NKAIN2: variants seen among roughly 807,000 people sequenced by gnomAD.
NKAIN2 encodes the protein sodium/potassium transporting ATPase interacting 2.
NKAIN2 carries 14 observed loss-of-function variants against 32.6 expected under a neutral mutation model. That is an observed-to-expected ratio of 0.43 (90% confidence interval 0.28 to 0.67). The LOEUF is 0.67. Ranked by LOEUF, NKAIN2 falls within the 30% of genes least tolerant of loss-of-function variation. The pLI is 0.17. For missense variants in NKAIN2, 198 were observed against 258.3 expected (o/e 0.77, Z 1.60); for synonymous variants, 80 against 87.2 (o/e 0.92, Z 0.46).
At chr6:124,121,995 T>C in intron 1 of NKAIN2, 1 of 540,690 alleles carries the variant, frequency 1.8e-6, no homozygotes, top group Non-Finnish European at 2.9e-6. Context: ...TAATATATAT[T>C]TGAAGAACTC....
chr6:124,476,112 A>G (rs950506709), intron 3 of NKAIN2, among the ~76,000 whole-genome samples: 6 of 143,118 alleles, frequency 4.2e-5, no homozygotes, highest in South Asian at 2.2e-4. Flanking sequence ...GCGCGCGCGC[A>G]TGCATGTAAA....
At chr6:124,662,797 G>A (rs541013316) in intron 4 of NKAIN2, among the ~76,000 whole-genome samples, 2 of 152,270 alleles carry the variant, frequency 1.3e-5, no homozygotes, top group South Asian at 4.1e-4. Context: ...TGGCCTTATT[G>A]TGCATGTTGC....
At chr6:123,843,728 C>T (rs541289957) in intron 1 of NKAIN2, among the ~76,000 whole-genome samples, 22 of 152,122 alleles carry the variant, frequency 1.4e-4, no homozygotes, top group Non-Finnish European at 2.1e-4. Flanking sequence ...AGGATCAGAG[C>T]TACAGAAAGA....
intron 4 of NKAIN2, among the ~76,000 whole-genome samples, chr6:124,726,126 G>C (rs2114645729): frequency 6.6e-6 from 1 of 152,308 alleles, no homozygotes; most frequent in Middle Eastern, 3.4e-3. Flanking sequence ...CAGCGAGCCT[G>C]GGGGAGGGGC....
At position 123,878,478 on chromosome 6, in the gene NKAIN2, T is replaced by G. The variant is rs570451698; in HGVS notation, c.54+74224T>G. ...TTTTGTCCGGACTTCTATTTTTATTTTTATTGCCATTGATTTCTTCAGGCT... is the reference window on the plus strand; with the variant it reads ...TTTTGTCCGGACTTCTATTTTTATTGTTATTGCCATTGATTTCTTCAGGCT... On this transcript the variant is annotated intron_variant, in intron 1 of 6. Coordinates refer to ENST00000368417, the MANE Select transcript of NKAIN2 (RefSeq NM_001040214.3). Among the ~76,000 whole-genome samples, 3 of 152,246 alleles carry G rather than the reference T, an allele frequency of 2.0e-5. No homozygotes were observed. The South Asian group carries it at 6.2e-4, about 32-fold the overall frequency.
chr6:124,047,927 G>A (rs1257499860), intron 1 of NKAIN2, among the ~76,000 whole-genome samples: 1 of 151,932 alleles, frequency 6.6e-6, no homozygotes, highest in Non-Finnish European at 1.5e-5. Context: ...AGGGTCCCAG[G>A]CCTATGAATC....
chr6:124,052,329 C>T (rs1782447838), intron 1 of NKAIN2, among the ~76,000 whole-genome samples: 2 of 152,158 alleles, frequency 1.3e-5, no homozygotes, highest in Non-Finnish European at 2.9e-5. Flanking sequence ...GTAGCTCCCC[C>T]TTGGGTAAGC....
intron 1 of NKAIN2, among the ~76,000 whole-genome samples, chr6:124,073,455 A>T (rs551232758): frequency 1.2e-3 from 183 of 152,248 alleles, no homozygotes; most frequent in African/African-American, 4.3e-3. Context: ...TAATGCACCT[A>T]ATTAGTGCTA....
chr6:124,644,006 A>G (rs183068464), intron 3 of NKAIN2, among the ~76,000 whole-genome samples: 20 of 152,260 alleles, frequency 1.3e-4, no homozygotes, highest in Admixed American at 1.3e-3. Context: ...TTTCTCATTT[A>G]CTTATCAATT....
chr6:124,670,369 AAG>A (rs2114471797), intron 4 of NKAIN2, among the ~76,000 whole-genome samples: 1 of 152,196 alleles, frequency 6.6e-6, no homozygotes, highest in South Asian at 2.1e-4. Flanking sequence ...TGGAATTTTC[AAG>A]AGTGTTTTTA....
intron 2 of NKAIN2, among the ~76,000 whole-genome samples, chr6:124,306,901 C>G (rs577793436): frequency 2.1e-4 from 32 of 152,202 alleles, no homozygotes; most frequent in African/African-American, 7.7e-4. Flanking sequence ...CCAATATTTG[C>G]TAACCTTTCA....
At chr6:124,103,845 T>C (rs1332584511) in intron 1 of NKAIN2, among the ~76,000 whole-genome samples, 1 of 152,132 alleles carries the variant, frequency 6.6e-6, no homozygotes, top group Non-Finnish European at 1.5e-5. Flanking sequence ...CCCAGCACTT[T>C]GAGAGGCCGA....
chr6:124,159,645 C>T (rs1031861073), intron 1 of NKAIN2, among the ~76,000 whole-genome samples: 1 of 152,004 alleles, frequency 6.6e-6, no homozygotes, highest in Non-Finnish European at 1.5e-5. Flanking sequence ...ACAAAGAAAA[C>T]TAAATTATAT....
intron 4 of NKAIN2, among the ~76,000 whole-genome samples, chr6:124,755,879 A>C (rs1210527292): frequency 6.6e-6 from 1 of 152,134 alleles, no homozygotes; most frequent in Non-Finnish European, 1.5e-5. Flanking sequence ...TAGTTTAAAA[A>C]ATTTTTTAAA....
At chr6:124,238,115 C>T (rs1033971296) in intron 1 of NKAIN2, among the ~76,000 whole-genome samples, 5 of 152,004 alleles carry the variant, frequency 3.3e-5, no homozygotes, top group African/African-American at 1.2e-4. Context: ...GGGAGTTCAG[C>T]ACCACCTCAT....
chr6:124,399,534 TGTGGCCTACAGATGACAG>T (rs1019971816), intron 3 of NKAIN2, among the ~76,000 whole-genome samples: 1 of 152,188 alleles, frequency 6.6e-6, no homozygotes, highest in African/African-American at 2.4e-5. Flanking sequence ...AAAACTCCCA[TGTGGCCTACAGATGACAG>T]GTGTTCAGGG....
intron 3 of NKAIN2, among the ~76,000 whole-genome samples, chr6:124,626,848 G>A (rs1783370758): frequency 6.6e-6 from 1 of 152,148 alleles, no homozygotes; most frequent in African/African-American, 2.4e-5. Flanking sequence ...ATTCAAAGTT[G>A]AGTCAGGCCA....
At chr6:124,170,878 T>C (rs953404771) in intron 1 of NKAIN2, among the ~76,000 whole-genome samples, 2 of 152,152 alleles carry the variant, frequency 1.3e-5, no homozygotes, top group Admixed American at 1.3e-4. Flanking sequence ...TCTGACAAAA[T>C]TTATCACATT....
intron 3 of NKAIN2, among the ~76,000 whole-genome samples, chr6:124,406,613 G>A (rs190724646): frequency 3.6e-4 from 54 of 152,062 alleles, no homozygotes; most frequent in African/African-American, 1.1e-3. Flanking sequence ...TATAATGGCT[G>A]GATTATATGA....
Sources: allele counts gnomAD v4.1 joint callset (sites outside exome capture counted in the v4.1 genomes callset), GRCh38; gene constraint gnomAD v4.1.1; transcripts MANE v1.5; gene names NCBI Gene and HGNC (gene_info 2026-07-23, HGNC 2026-07-21).